Variants in SLC7A8 observed in about 807,000 individuals in gnomAD.
SLC7A8 encodes large neutral amino acids transporter small subunit 2.
Under a neutral mutation model 51.2 loss-of-function variants are expected in SLC7A8, and 30 were observed. That is an observed-to-expected ratio of 0.59 (90% CI 0.44 to 0.80). The LOEUF (loss-of-function observed/expected upper bound fraction) is 0.80, where lower values mean the gene tolerates loss of function less well. Among genes scored for constraint, SLC7A8 ranks in the 30% least tolerant of loss-of-function variants. SLC7A8 has a pLI of 0.00. For synonymous variants in SLC7A8, 257 were observed against 275.8 expected, an observed-to-expected ratio of 0.93 and a Z score of 0.67; for missense variants, 612 against 674.4, an observed-to-expected ratio of 0.91 and a Z score of 1.03.
chr14:23,166,547 G>A lies in SLC7A8; in HGVS notation c.152-7C>T. 1.2e-6 allele frequency: 2 copies of A among 1,613,890 alleles called. No individual in the cohort carries two copies. The highest frequency in any genetic ancestry group is 1.7e-6 in the Non-Finnish European group (2 of 1,179,856). ...CCAGAGCCGATGATGTTCCCTGCAT[G>A]AGGCACCAAGGGTAAGGAGGGGAGA... On this transcript the variant is annotated splice_polypyrimidine_tract_variant and splice_region_variant and intron_variant, in intron 1 of 10. Coordinates refer to ENST00000316902, the MANE Select transcript of SLC7A8 (RefSeq NM_012244.4).
chr14:23,167,225 C>A (rs751725236), intron 1 of SLC7A8, among the ~76,000 whole-genome samples: 5 of 152,142 alleles, frequency 3.3e-5, no homozygotes, highest in Non-Finnish European at 7.4e-5. Context: ...TGTAGGAATG[C>A]AATACATACA....
Position 23,182,946 on chromosome 14 carries a change from G to A in SLC7A8, c.-32C>T. ...CAGTAGGATTGCAACCTCAAAAGCT[G>A]CCTCCCTTTCTAAATGCGTATTCGT... On this transcript the variant is annotated 5_prime_UTR_variant, in exon 1 of 11. Transcript: ENST00000316902. 1 of 1,613,730 alleles carries A rather than the reference G, an allele frequency of 6.2e-7. No individual in the cohort carries two copies.
chr14:23,138,033 G>T lies in SLC7A8; in HGVS notation c.913-9C>A. ...AGCTTCTCTCCAAAAGTCTGGGAGAGGAACCAAGGAGATAAGCAAAGGAGA... is the reference window on the plus strand; with the variant it reads ...AGCTTCTCTCCAAAAGTCTGGGAGATGAACCAAGGAGATAAGCAAAGGAGA... On this transcript the variant is annotated splice_polypyrimidine_tract_variant and intron_variant, in intron 6 of 10. Coordinates refer to ENST00000316902, the MANE Select transcript of SLC7A8 (RefSeq NM_012244.4). 1.2e-6 allele frequency: 2 copies of T among 1,613,732 alleles called. No individual in the cohort carries two copies. Among genetic ancestry groups the T allele is most frequent in the Non-Finnish European group, 8.5e-7 (1 of 1,179,918 alleles).
intron 1 of SLC7A8, among the ~76,000 whole-genome samples, chr14:23,173,108 T>C (rs74036935): frequency 0.012 from 1,825 of 152,344 alleles, 37 homozygotes; most frequent in African/African-American, 0.041. Flanking sequence ...TGTTTTTGAC[T>C]GACTGCTATT....
chr14:23,161,233 A>G (rs2048920213), intron 3 of SLC7A8, among the ~76,000 whole-genome samples: 1 of 151,846 alleles, frequency 6.6e-6, no homozygotes, highest in African/African-American at 2.4e-5. Flanking sequence ...GTTCTCCTCC[A>G]AAACAGCCCC....
At chr14:23,149,055 G>A (rs974991100) in intron 3 of SLC7A8, among the ~76,000 whole-genome samples, 3 of 152,184 alleles carry the variant, frequency 2.0e-5, no homozygotes, top group Non-Finnish European at 2.9e-5. Context: ...CCAGATGGAG[G>A]GAAGGGATGG....
intron 1 of SLC7A8, among the ~76,000 whole-genome samples, chr14:23,177,191 A>G (rs1876964336): frequency 6.6e-6 from 1 of 152,258 alleles, no homozygotes; most frequent in Non-Finnish European, 1.5e-5. Flanking sequence ...AGTTTAGCTG[A>G]AAGCTGCCTC....
At chr14:23,143,430 G>A (rs1278156104) in intron 3 of SLC7A8, among the ~76,000 whole-genome samples, 1 of 152,250 alleles carries the variant, frequency 6.6e-6, no homozygotes, top group Non-Finnish European at 1.5e-5. Flanking sequence ...ATGCCCTGCT[G>A]AGGGCTGGAA....
At position 23,127,121 on chromosome 14, in the gene SLC7A8, C is replaced by G. The variant is rs2048584486; in HGVS notation, c.*56G>C. ...CTCGCATGTGTTGGCAGGACCAAGGCAGGGAGGTAGGATAAAAGGGGGAGG... is the reference window on the plus strand; with the variant it reads ...CTCGCATGTGTTGGCAGGACCAAGGGAGGGAGGTAGGATAAAAGGGGGAGG... On this transcript the variant is annotated 3_prime_UTR_variant, in exon 11 of 11. Transcript: ENST00000316902. 6.2e-7 allele frequency: 1 copy of G among 1,603,306 alleles called. No homozygotes were observed. Among genetic ancestry groups the G allele is most frequent in the Non-Finnish European group, 8.5e-7 (1 of 1,172,398 alleles).
chr14:23,145,288 G>T (rs915299415), intron 3 of SLC7A8, among the ~76,000 whole-genome samples: 2 of 151,332 alleles, frequency 1.3e-5, no homozygotes, highest in Admixed American at 6.6e-5. Context: ...CAGCACTTTG[G>T]GAGGTCAAGG....
At chr14:23,167,416 T>C (rs1030849760) in intron 1 of SLC7A8, among the ~76,000 whole-genome samples, 6 of 152,100 alleles carry the variant, frequency 3.9e-5, no homozygotes, top group African/African-American at 1.4e-4. Context: ...CAGCTACTGA[T>C]GGGTAAAATT....
intron 2 of SLC7A8, among the ~76,000 whole-genome samples, chr14:23,166,107 G>A (rs142100274): frequency 5.9e-5 from 9 of 152,222 alleles, no homozygotes; most frequent in Non-Finnish European, 1.3e-4. Context: ...GATCAACATA[G>A]AGGTCAAAAC....
intron 1 of SLC7A8, among the ~76,000 whole-genome samples, chr14:23,170,796 G>C (rs987454071): frequency 6.6e-6 from 1 of 152,122 alleles, no homozygotes; most frequent in Admixed American, 6.6e-5. Context: ...TGTGATCATA[G>C]CTCACTGCAG....
intron 1 of SLC7A8, among the ~76,000 whole-genome samples, chr14:23,181,565 A>G (rs1485906370): frequency 6.6e-6 from 1 of 152,254 alleles, no homozygotes; most frequent in Non-Finnish European, 1.5e-5. Context: ...TTTGATTTCA[A>G]GAGTGCTCTC....
At chr14:23,148,216 A>T (rs1453854936) in intron 3 of SLC7A8, among the ~76,000 whole-genome samples, 1 of 150,138 alleles carries the variant, frequency 6.7e-6, no homozygotes, top group Non-Finnish European at 1.5e-5. Context: ...GAACTTTGCA[A>T]ATGTGATTAA....
intron 2 of SLC7A8, 36 bp downstream of exon 2, chr14:23,166,300 C>A: frequency 1.2e-6 from 2 of 1,601,560 alleles, no homozygotes; most frequent in Non-Finnish European, 1.7e-6. Flanking sequence ...TCCTCCTTTT[C>A]CCCTAGACCA....
chr14:23,180,854 T>C (rs955291582), intron 1 of SLC7A8, among the ~76,000 whole-genome samples: 1 of 152,040 alleles, frequency 6.6e-6, no homozygotes, highest in South Asian at 2.1e-4. Context: ...TGAAACCCCG[T>C]CTCTACTAAA....
At chr14:23,127,958 A>G (rs1381060587) in intron 10 of SLC7A8, 61 bp downstream of exon 10, 1 of 1,505,236 alleles carries the variant, frequency 6.6e-7, no homozygotes, top group African/African-American at 1.4e-5. Flanking sequence ...CAACCCCATC[A>G]CTGACCACTG....
chr14:23,133,149 A>G (rs551415566), intron 7 of SLC7A8, among the ~76,000 whole-genome samples: 7 of 152,296 alleles, frequency 4.6e-5, no homozygotes, highest in African/African-American at 1.7e-4. Flanking sequence ...TAAAAAAATT[A>G]TATCCTGTCT....
Sources: allele counts gnomAD v4.1 joint callset (sites outside exome capture counted in the v4.1 genomes callset), GRCh38; gene constraint gnomAD v4.1.1; transcripts MANE v1.5; gene names NCBI Gene and HGNC (gene_info 2026-07-23, HGNC 2026-07-21).